The following SDHC variants were observed in gnomAD, a reference collection of about 807,000 sequenced individuals.
SDHC encodes succinate dehydrogenase cytochrome b560 subunit, mitochondrial.
In SDHC, 11 loss-of-function variants were observed where a neutral mutation model predicts 22.6. The observed-to-expected ratio is 0.49, with a 90% CI of 0.31 to 0.81. SDHC has a LOEUF of 0.81. SDHC is among the 30% of genes least tolerant of loss of function. The pLI is 0.05. For synonymous variants in SDHC, 80 were observed against 77.8 expected (o/e 1.03, Z -0.15); for missense variants, 160 against 212.0 (o/e 0.75, Z 1.52).
chr1:161,353,949 T>C (rs1212960368), intron 4 of SDHC, among the ~76,000 whole-genome samples: 2 of 152,252 alleles, frequency 1.3e-5, no homozygotes, highest in Non-Finnish European at 2.9e-5. Context: ...TTACCTGGGC[T>C]GGAGTGCAGT....
intron 2 of SDHC, among the ~76,000 whole-genome samples, chr1:161,325,930 G>C (rs1432659679): frequency 6.6e-6 from 1 of 152,120 alleles, no homozygotes; most frequent in Admixed American, 6.5e-5. Flanking sequence ...GCCTGGCACG[G>C]TAGCCATGCC....
At chr1:161,321,467 C>T (rs971665053) in intron 1 of SDHC, among the ~76,000 whole-genome samples, 1 of 152,188 alleles carries the variant, frequency 6.6e-6, no homozygotes, top group Non-Finnish European at 1.5e-5. Context: ...GCCATAGATT[C>T]CAACCCACAT....
Position 161,362,613 on chromosome 1 carries a change from G to A in SDHC, c.*180G>A. 6.3e-7 allele frequency: 1 copy of A among 1,599,986 alleles called. No homozygotes were observed. Among genetic ancestry groups the A allele is most frequent in the Non-Finnish European group, 8.5e-7 (1 of 1,172,910 alleles). ...GACCATAATAGTGGAAAAGGGTCTA[G>A]TTTTCCCCTTGTTTCTAAAGATGAG... On this transcript the variant is annotated 3_prime_UTR_variant, in exon 6 of 6. Coordinates refer to ENST00000367975, the MANE Select transcript of SDHC (RefSeq NM_003001.5).
intron 5 of SDHC, among the ~76,000 whole-genome samples, chr1:161,357,077 C>T (rs931599909): frequency 1.3e-5 from 2 of 150,914 alleles, no homozygotes; most frequent in South Asian, 4.2e-4. Context: ...GTTATAGACG[C>T]ATGCCACCAC....
chr1:161,349,050 TA>T (rs1444422999), intron 4 of SDHC, among the ~76,000 whole-genome samples: 2 of 152,168 alleles, frequency 1.3e-5, no homozygotes, highest in Non-Finnish European at 2.9e-5. Context: ...ATAAAGATAC[TA>T]AACAACAGAT....
At chr1:161,317,529 T>TTG (rs138977321) in intron 1 of SDHC, among the ~76,000 whole-genome samples, 2,776 of 132,024 alleles carry the variant, frequency 0.021, 105 homozygotes, top group African/African-American at 0.061. Flanking sequence ...TGCCTTGGTT[T>TTG]TGTGTGTGTG....
At chr1:161,357,297 C>T (rs2102372637) in intron 5 of SDHC, among the ~76,000 whole-genome samples, 1 of 152,304 alleles carries the variant, frequency 6.6e-6, no homozygotes, top group East Asian at 1.9e-4. Context: ...ACAAGTTCCC[C>T]TGTGTGTTAC....
chr1:161,328,344 A>G (rs1571851324), intron 2 of SDHC, 52 bp from the exon 3 acceptor site: 1 of 1,414,044 alleles, frequency 7.1e-7, no homozygotes, highest in East Asian at 2.3e-5. Context: ...TATGCAAAAT[A>G]TTAAACCAAG....
Position 161,314,444 on chromosome 1 carries a change from G to A in SDHC, c.20+19G>A, listed in dbSNP as rs1416431208. Reference sequence around the variant, plus strand: ...TGCTGAGGTGACTTCAGTGGGACTGGGAGTTGGTGCCTGCGGCCCTCCGGA... The same window carrying A: ...TGCTGAGGTGACTTCAGTGGGACTGAGAGTTGGTGCCTGCGGCCCTCCGGA... On this transcript the variant is annotated intron_variant, in intron 1 of 5. Coordinates refer to ENST00000367975, the MANE Select transcript of SDHC (RefSeq NM_003001.5). The A allele has an allele frequency of 6.2e-7, 1 of 1,613,956 alleles. No individual in the cohort carries two copies. The highest frequency in any genetic ancestry group is 1.1e-5 in the South Asian group (1 of 91,072).
At chr1:161,344,184 G>A (rs1671816169) in intron 4 of SDHC, among the ~76,000 whole-genome samples, 1 of 152,228 alleles carries the variant, frequency 6.6e-6, no homozygotes, top group Non-Finnish European at 1.5e-5. Context: ...CAGCTGCTTG[G>A]GAGGCTGAGG....
At chr1:161,317,753 G>T (rs1231442093) in intron 1 of SDHC, among the ~76,000 whole-genome samples, 1 of 150,462 alleles carries the variant, frequency 6.6e-6, no homozygotes, top group African/African-American at 2.5e-5. Context: ...TAGAGACGGG[G>T]TTTCACCATG....
chr1:161,331,295 T>G (rs979073308), intron 3 of SDHC, among the ~76,000 whole-genome samples: 1 of 151,484 alleles, frequency 6.6e-6, no homozygotes, highest in African/African-American at 2.4e-5. Context: ...CCAGACAGAG[T>G]CTCACCCAGT....
chr1:161,318,692 T>C (rs1330895114), intron 1 of SDHC, among the ~76,000 whole-genome samples: 1 of 152,212 alleles, frequency 6.6e-6, no homozygotes, highest in Non-Finnish European at 1.5e-5. Flanking sequence ...ATTTTGTTAT[T>C]TTTATTTTTT....
intron 3 of SDHC, among the ~76,000 whole-genome samples, chr1:161,333,098 C>G (rs753160233): frequency 2.0e-5 from 3 of 152,208 alleles, no homozygotes; most frequent in Admixed American, 2.0e-4. Context: ...AATATGTGGT[C>G]CTTTGTGACT....
At chr1:161,351,319 A>G (rs529399748) in intron 4 of SDHC, among the ~76,000 whole-genome samples, 2 of 152,302 alleles carry the variant, frequency 1.3e-5, no homozygotes, top group South Asian at 4.1e-4. Context: ...TTTGGGCTGT[A>G]GAAAATGCAC....
intron 3 of SDHC, among the ~76,000 whole-genome samples, chr1:161,338,703 G>A (rs1225054682): frequency 1.3e-5 from 2 of 152,170 alleles, no homozygotes; most frequent in African/African-American, 4.8e-5. Flanking sequence ...GTTCAGTTTG[G>A]ATATTTTGGG....
At chr1:161,328,352 A>C in intron 2 of SDHC, 44 bp from the exon 3 acceptor site, 1 of 1,442,382 alleles carries the variant, frequency 6.9e-7, no homozygotes, top group Non-Finnish European at 9.8e-7. Flanking sequence ...ATATTAAACC[A>C]AGTTTACTTT....
intron 3 of SDHC, among the ~76,000 whole-genome samples, chr1:161,331,610 T>TTTG (rs1671274885): frequency 6.6e-6 from 1 of 151,214 alleles, no homozygotes; most frequent in Admixed American, 6.6e-5. Flanking sequence ...TTTTTTTTTT[T>TTTG]TCTGAGACAG....
rs747093483 is a variant in SDHC at position 161,362,321 on chromosome 1, G to A, written c.406-8G>A. ...AATTCCTTTTTTTTTTTTTTGCTTT[G>A]TCCACAGATGTGGGACCTAGGAAAA... On this transcript the variant is annotated splice_polypyrimidine_tract_variant and splice_region_variant and intron_variant, in intron 5 of 5. Transcript: ENST00000367975. The A allele has an allele frequency of 7.6e-7, 1 of 1,317,772 alleles. No individual in the cohort carries two copies. The highest frequency in any genetic ancestry group is 1.0e-6 in the Non-Finnish European group (1 of 984,342). 81.6% of individuals were successfully genotyped at this position (1,317,772 alleles called of 1,614,324 possible).
Sources: gnomAD v4.1 joint callset for allele counts (sites outside exome capture counted in the v4.1 genomes callset) on GRCh38, gnomAD v4.1.1 for gene constraint, MANE v1.5 for transcripts, NCBI Gene and HGNC (gene_info 2026-07-23, HGNC 2026-07-21) for gene names.